F8: variants seen among roughly 807,000 people sequenced by gnomAD.
F8 encodes the protein coagulation factor VIII.
A neutral mutation model predicts 140.6 loss-of-function variants in F8; 12 were observed. The observed-to-expected ratio is 0.09, with a 90% CI of 0.05 to 0.14. F8 has a LOEUF of 0.14. Among genes scored for constraint, F8 ranks in the 10% least tolerant of loss-of-function variants. The pLI, the probability that F8 is intolerant of heterozygous loss-of-function variation, is 1.00. For missense variants in F8, 1,354 were observed against 1,720.7 expected (o/e 0.79, Z 3.77); for synonymous variants, 585 against 614.6 (o/e 0.95, Z 0.71).
At chrX:154,995,041 A>C (rs2073609323) in intron 3 of F8, among the ~76,000 whole-genome samples, 2 of 112,062 alleles carry the variant, frequency 1.8e-5, no homozygotes, top group Non-Finnish European at 3.8e-5. Context: ...CCCATAGAGG[A>C]GTACAGACTG....
intron 6 of F8, among the ~76,000 whole-genome samples, chrX:154,983,224 G>A (rs1205697000): frequency 6.3e-5 from 7 of 111,979 alleles, no homozygotes; most frequent in Non-Finnish European, 1.3e-4. Flanking sequence ...GAATCCTATT[G>A]TTACCTTATT....
At chrX:154,926,072 T>A (rs2073158903) in intron 14 of F8, among the ~76,000 whole-genome samples, 1 of 111,824 alleles carries the variant, frequency 8.9e-6, no homozygotes, top group South Asian at 3.7e-4. Context: ...TCTCACAAGA[T>A]CTGATGGTTT....
chrX:154,959,228 T>C (rs2124097114), intron 10 of F8, among the ~76,000 whole-genome samples: 1 of 109,012 alleles, frequency 9.2e-6, no homozygotes, highest in African/African-American at 3.3e-5. Flanking sequence ...ATAAAAATAA[T>C]AAAAAAAATT....
At chrX:154,988,484 T>A (rs2073570914) in intron 4 of F8, among the ~76,000 whole-genome samples, 1 of 112,061 alleles carries the variant, frequency 8.9e-6, no homozygotes, top group South Asian at 3.7e-4. Context: ...CTATACAGTA[T>A]TTCCCTTTGT....
intron 25 of F8, among the ~76,000 whole-genome samples, chrX:154,859,782 G>A (rs1187277840): frequency 2.7e-5 from 3 of 111,469 alleles, no homozygotes; most frequent in African/African-American, 9.8e-5. Flanking sequence ...TGGACATGAT[G>A]TTTACCTGAG....
At chrX:155,013,145 C>CAAAAAA (rs34940593) in intron 1 of F8, among the ~76,000 whole-genome samples, 24 of 33,936 alleles carry the variant, frequency 7.1e-4, no homozygotes, top group Admixed American at 1.2e-3. Flanking sequence ...GACTCCGTCT[C>CAAAAAA]AAAAAAAAAA....
At chrX:154,935,573 C>T (rs2073219596) in intron 13 of F8, among the ~76,000 whole-genome samples, 1 of 111,831 alleles carries the variant, frequency 8.9e-6, no homozygotes, top group South Asian at 3.7e-4. Context: ...ACAGCTACAA[C>T]TATCAAACTC....
rs1446566584 is a variant in F8 at position 154,929,429 on chromosome X, A to G, written c.4361T>C (p.Leu1454Ser). ...AAGGTTATTTTTTTTGGCTCCTTGT[A>G]AGAAATGACTGCTTTCTTGGACCCC... ...DSGVQESSHFLQGAKKNNLSL... is the reference protein window; with the variant it reads ...DSGVQESSHFSQGAKKNNLSL... The change falls in exon 14 of 26, where the codon TTA becomes TCA. Residue 1454 changes from leucine (L) to serine (S), a missense_variant. Physicochemically the swap from Leu to Ser is moderately radical, Grantham distance 145 (BLOSUM62 -2). Coordinates refer to ENST00000360256, the MANE Select transcript of F8 (RefSeq NM_000132.4). The G allele has an allele frequency of 8.3e-7, 1 of 1,211,686 alleles. No individual in the cohort carries two copies. Among genetic ancestry groups the G allele is most frequent in the Non-Finnish European group, 1.1e-6 (1 of 895,407 alleles).
chrX:154,957,127 A>G lies in F8; in HGVS notation c.1582T>C (p.Phe528Leu). ...ACAGTCACTGTCCATTTATATTTGAATATTTCTCCTGGCAGAATTGGAAAA... is the reference window on the plus strand; with the variant it reads ...ACAGTCACTGTCCATTTATATTTGAGTATTTCTCCTGGCAGAATTGGAAAA... ...KDFPILPGEI[F>L]KYKWTVTVED... is the part of the protein sequence containing the mutation. The change falls in exon 11 of 26, where the codon TTC (phenylalanine) becomes CTC (leucine). Residue 528 changes from phenylalanine (F) to leucine (L), a missense_variant. Phe to Leu is a conservative substitution (Grantham distance 22, BLOSUM62 0). Around this residue, in one of 4 missense-constraint regions of F8, gnomAD observed 252 missense variants for 338.5 expected, o/e 0.74. Transcript: ENST00000360256. 8.3e-7 allele frequency: 1 copy of G among 1,211,412 alleles called. No individual in the cohort carries two copies. The highest frequency in any genetic ancestry group is 1.1e-6 in the Non-Finnish European group (1 of 895,396).
chrX:155,004,710 C>T (rs991688838), intron 1 of F8, among the ~76,000 whole-genome samples: 1 of 111,810 alleles, frequency 8.9e-6, no homozygotes, highest in Non-Finnish European at 1.9e-5. Flanking sequence ...CATTCAAGGC[C>T]TCACAGAATA....
At position 154,961,078 on chromosome X, in the gene F8, T is replaced by C. The variant is rs782133301; in HGVS notation, c.1534A>G (p.Lys512Glu). Residue 512 changes from lysine (K) to glutamate (E), a missense_variant, in exon 10 of 26, where the codon AAA becomes GAA. By Grantham distance (56) the Lys-to-Glu change is moderately conservative. Transcript: ENST00000360256. ...VRPLYSRRLP[K>E]GVKHLKDFPI... Reference sequence around the variant, plus strand: ...TATAAATCGAGGGAATATTTACCTTTTGGTAATCTCCTTGAATACAAAGGA... The same window carrying C: ...TATAAATCGAGGGAATATTTACCTTCTGGTAATCTCCTTGAATACAAAGGA... 3.4e-6 allele frequency: 4 copies of C among 1,176,206 alleles called. No homozygotes were observed. Among genetic ancestry groups the C allele is most frequent in the Non-Finnish European group, 4.6e-6 (4 of 863,028 alleles).
intron 1 of F8, among the ~76,000 whole-genome samples, chrX:155,000,883 A>G (rs188854470): frequency 9.0e-6 from 1 of 111,506 alleles, no homozygotes; most frequent in African/African-American, 3.3e-5. Context: ...AGAACCCCAA[A>G]TATCATCCAG....
chrX:154,941,064 C>T (rs2073259495), intron 13 of F8, among the ~76,000 whole-genome samples: 1 of 111,910 alleles, frequency 8.9e-6, no homozygotes, highest in South Asian at 3.7e-4. Context: ...CAAAATCATG[C>T]CAAATTGTAA....
At position 154,958,790 on chromosome X, in the gene F8, A is replaced by G. The variant is rs183978066; in HGVS notation, c.1538-1619T>C. ...CACAATGCCCGGCTATTTTTTTTGT[A>G]TTTTTAGTAGAGATGGGTTTTCACC... On this transcript the variant is annotated intron_variant, in intron 10 of 25. Coordinates refer to ENST00000360256, the MANE Select transcript of F8 (RefSeq NM_000132.4). 3.6e-3 allele frequency among the ~76,000 whole-genome samples: 396 copies of G among 110,192 alleles called. 2 individuals carry two copies. The highest frequency in any genetic ancestry group is 4.3e-3 in the Non-Finnish European group (226 of 52,692).
chrX:155,012,353 A>G (rs781798130), intron 1 of F8, among the ~76,000 whole-genome samples: 32 of 112,120 alleles, frequency 2.9e-4, no homozygotes, highest in African/African-American at 9.7e-4. Flanking sequence ...TTTGTTGCTC[A>G]GGCTGGAGTG....
chrX:154,896,873 G>A (rs2072984623), intron 21 of F8, among the ~76,000 whole-genome samples: 1 of 111,910 alleles, frequency 8.9e-6, no homozygotes, highest in Admixed American at 9.5e-5. Flanking sequence ...TTCCTTATTA[G>A]ACTGAGATCC....
chrX:154,855,170 C>A (rs782006590), intron 25 of F8, among the ~76,000 whole-genome samples: 2 of 111,867 alleles, frequency 1.8e-5, no homozygotes, highest in African/African-American at 6.5e-5. Context: ...TAATCAACTA[C>A]TTTTAAGAAG....
chrX:154,987,576 CACTT>C (rs2073566270), intron 4 of F8, among the ~76,000 whole-genome samples: 1 of 112,719 alleles, frequency 8.9e-6, no homozygotes, highest in East Asian at 2.8e-4. Context: ...AAATTAAAAA[CACTT>C]ACAAAATACA....
intron 24 of F8, among the ~76,000 whole-genome samples, chrX:154,860,879 G>A (rs1207023966): frequency 9.0e-6 from 1 of 111,310 alleles, no homozygotes; most frequent in Non-Finnish European, 1.9e-5. Flanking sequence ...TATATTTTTA[G>A]TAGAGATGAG....
Sources: gnomAD v4.1 joint callset for allele counts (sites outside exome capture counted in the v4.1 genomes callset) on GRCh38, gnomAD v4.1.1 for gene constraint, gnomAD v4.1.1 regional missense constraint, MANE v1.5 for transcripts, NCBI Gene and HGNC (gene_info 2026-07-23, HGNC 2026-07-21) for gene names.